GRM1: variants seen among roughly 807,000 people sequenced by gnomAD.
The protein encoded by GRM1 is metabotropic glutamate receptor 1.
In GRM1, 33 loss-of-function variants were observed where a neutral mutation model predicts 90.9. That is an observed-to-expected ratio of 0.36 (90% confidence interval 0.28 to 0.49). The LOEUF (loss-of-function observed/expected upper bound fraction) is 0.49, where lower values mean the gene tolerates loss of function less well. Ranked by LOEUF, GRM1 falls within the 20% of genes least tolerant of loss-of-function variation. The pLI, the probability that GRM1 is intolerant of heterozygous loss-of-function variation, is 0.99. For missense variants in GRM1, 1,190 were observed against 1,534.3 expected (o/e 0.78, Z 3.75); for synonymous variants, 700 against 613.2 (o/e 1.14, Z -2.09).
At chr6:146,074,561 T>C (rs1457298098) in intron 1 of GRM1, among the ~76,000 whole-genome samples, 1 of 152,192 alleles carries the variant, frequency 6.6e-6, no homozygotes, top group Non-Finnish European at 1.5e-5. Flanking sequence ...GCATTTCTCC[T>C]GTGCCCAGGA....
intron 5 of GRM1, among the ~76,000 whole-genome samples, chr6:146,366,323 T>A (rs997245024): frequency 6.6e-6 from 1 of 152,212 alleles, no homozygotes; most frequent in Non-Finnish European, 1.5e-5. Flanking sequence ...CTCAAATATT[T>A]ATCATTTCTT....
intron 1 of GRM1, among the ~76,000 whole-genome samples, chr6:146,128,765 T>C (rs1413786153): frequency 1.3e-5 from 2 of 152,186 alleles, no homozygotes; most frequent in Non-Finnish European, 2.9e-5. Context: ...ATTTTTGGTG[T>C]TTCCAGAGGT....
intron 7 of GRM1, among the ~76,000 whole-genome samples, chr6:146,401,780 A>G (rs1233529321): frequency 6.6e-6 from 1 of 152,168 alleles, no homozygotes; most frequent in East Asian, 1.9e-4. Flanking sequence ...GGTGCCCAGG[A>G]ATATGCATTT....
intron 2 of GRM1, among the ~76,000 whole-genome samples, chr6:146,292,073 T>C (rs1247632599): frequency 6.6e-6 from 1 of 151,928 alleles, no homozygotes; most frequent in Non-Finnish European, 1.5e-5. Context: ...TCTCAACAAA[T>C]ATTTCTGAGA....
In GRM1 at chr6:146,421,975, A is replaced by G. The variant is rs75904587; in HGVS notation, c.2661-11897A>G. ...AATCAGAGGCACAAATTATGTATTT[A>G]TCTATAAAAACAACATAAAATAGAC... is the stretch of plus-strand genomic sequence containing the variant. On this transcript the variant is annotated intron_variant, in intron 7 of 7. Transcript: ENST00000282753. 7.2e-3 allele frequency among the ~76,000 whole-genome samples: 1,100 copies of G among 152,310 alleles called. 15 individuals carry two copies. The highest frequency in any genetic ancestry group is 0.025 in the African/African-American group (1,051 of 41,574).
rs547109181 is a variant in GRM1 at position 146,412,767 on chromosome 6, A to C, written c.2660+13068A>C. Among the ~76,000 whole-genome samples the C allele has an allele frequency of 2.0e-4, 30 of 152,314 alleles. 1 individual carries two copies. Among genetic ancestry groups the C allele is most frequent in the Middle Eastern group, 6.8e-3 (2 of 294 alleles). On this transcript the variant is annotated intron_variant, in intron 7 of 7. Transcript: ENST00000282753. ...GAATATCTCATAAGTATATATTTTT[A>C]TTATTCCATGATAGTCATACAAATG...
At chr6:146,082,999 T>C (rs1776415964) in intron 1 of GRM1, among the ~76,000 whole-genome samples, 1 of 152,186 alleles carries the variant, frequency 6.6e-6, no homozygotes, top group Non-Finnish European at 1.5e-5. Context: ...TTTGTAGCAA[T>C]TGTGAATGGG....
At chr6:146,049,941 G>T (rs534187942) in intron 1 of GRM1, among the ~76,000 whole-genome samples, 71 of 151,860 alleles carry the variant, frequency 4.7e-4, no homozygotes, top group Admixed American at 4.4e-3. Flanking sequence ...AGTGGCAGAC[G>T]CAGGGTTCAA....
At chr6:146,294,170 T>C (rs1783094109) in intron 2 of GRM1, among the ~76,000 whole-genome samples, 1 of 151,858 alleles carries the variant, frequency 6.6e-6, no homozygotes, top group Non-Finnish European at 1.5e-5. Context: ...GAAAATAAGC[T>C]CATTTATTTT....
intron 5 of GRM1, among the ~76,000 whole-genome samples, chr6:146,363,155 T>G (rs940719333): frequency 6.6e-6 from 1 of 152,148 alleles, no homozygotes; most frequent in Non-Finnish European, 1.5e-5. Context: ...AAAATTAAAT[T>G]GCTCATATTA....
chr6:146,249,645 A>G (rs1378292709), intron 2 of GRM1, among the ~76,000 whole-genome samples: 5 of 152,306 alleles, frequency 3.3e-5, no homozygotes, highest in South Asian at 2.1e-4. Context: ...GAGAACCTCT[A>G]CTAGGACAAT....
intron 2 of GRM1, among the ~76,000 whole-genome samples, chr6:146,274,460 A>G (rs1259710174): frequency 6.6e-6 from 1 of 152,208 alleles, no homozygotes; most frequent in African/African-American, 2.4e-5. Context: ...TGTATACATA[A>G]CATCTAATTT....
chr6:146,350,391 T>C (rs1785359416), intron 3 of GRM1, among the ~76,000 whole-genome samples: 1 of 152,214 alleles, frequency 6.6e-6, no homozygotes, highest in Non-Finnish European at 1.5e-5. Context: ...ACTGCAACTT[T>C]GGGTGATGGT....
chr6:146,345,526 C>T (rs1479763196), intron 3 of GRM1, among the ~76,000 whole-genome samples: 1 of 151,998 alleles, frequency 6.6e-6, no homozygotes, highest in Non-Finnish European at 1.5e-5. Flanking sequence ...CTGTATTTTC[C>T]CTTTGTGTTA....
chr6:146,115,135 G>T (rs1775693148), intron 1 of GRM1, among the ~76,000 whole-genome samples: 1 of 151,526 alleles, frequency 6.6e-6, no homozygotes, highest in Admixed American at 6.6e-5. Context: ...TTGACTTTAG[G>T]TATGTTATTT....
chr6:146,228,287 A>G (rs1780321278), intron 2 of GRM1, among the ~76,000 whole-genome samples: 1 of 152,226 alleles, frequency 6.6e-6, no homozygotes, highest in South Asian at 2.1e-4. Flanking sequence ...AGAATGTCCC[A>G]GAGCAGGTGC....
chr6:146,152,564 T>C (rs1777378425), intron 1 of GRM1, among the ~76,000 whole-genome samples: 1 of 152,034 alleles, frequency 6.6e-6, no homozygotes. Context: ...TGTGTCCCTT[T>C]GGGTGAGTTA....
chr6:146,159,849 A>G (rs1234021176), intron 2 of GRM1: 3 of 393,576 alleles, frequency 7.6e-6, no homozygotes, highest in Non-Finnish European at 1.4e-5. Context: ...CAGGAGTTTG[A>G]GGTTACAGTG....
intron 7 of GRM1, among the ~76,000 whole-genome samples, chr6:146,417,339 T>C (rs186916587): frequency 6.6e-6 from 1 of 152,316 alleles, no homozygotes. Flanking sequence ...TGCCCTGGGG[T>C]ACTACATATT....
Sources: allele counts gnomAD v4.1 joint callset (sites outside exome capture counted in the v4.1 genomes callset), GRCh38; gene constraint gnomAD v4.1.1; transcripts MANE v1.5; gene names NCBI Gene and HGNC (gene_info 2026-07-23, HGNC 2026-07-21).